The following WNK3 variants were observed in gnomAD, a reference collection of about 807,000 sequenced individuals.
WNK3 encodes WNK lysine deficient protein kinase 3.
Under a neutral mutation model 116.7 loss-of-function variants are expected in WNK3, and 18 were observed. The ratio of observed to expected loss-of-function variants is 0.15; its 90% CI spans 0.11 to 0.23. The LOEUF is 0.23. Ranked by LOEUF, WNK3 falls within the 10% of genes least tolerant of loss-of-function variation. WNK3 has a pLI of 1.00. For missense variants in WNK3, 993 were observed against 1,323.8 expected (o/e 0.75, Z 3.88); for synonymous variants, 404 against 469.4 (o/e 0.86, Z 1.80).
chrX:54,296,011 A>T (rs1005720291), intron 7 of WNK3, among the ~76,000 whole-genome samples: 1 of 111,956 alleles, frequency 8.9e-6, no homozygotes, highest in East Asian at 2.8e-4. Context: ...TTCTGACCTG[A>T]ATTAAAGCCA....
Position 54,318,906 on chromosome X carries a change from T to C in WNK3, c.538-7615A>G, listed in dbSNP as rs782744625. ...ATTCTCGTGCCTCAGCCTCCCCCAG[T>C]AGCTGGGATTACAGGTGCCCGCCAT... On this transcript the variant is annotated intron_variant, in intron 2 of 23. Transcript: ENST00000354646. 7.3e-5 allele frequency among the ~76,000 whole-genome samples: 8 copies of C among 109,803 alleles called. No homozygotes were observed. The South Asian group carries it at 3.2e-3, about 44-fold the overall frequency.
At chrX:54,346,997 T>C (rs1603402392) in intron 1 of WNK3, among the ~76,000 whole-genome samples, 2 of 112,014 alleles carry the variant, frequency 1.8e-5, no homozygotes, top group African/African-American at 6.5e-5. Flanking sequence ...CAAAGGGATA[T>C]GCTCCAGTGA....
intron 21 of WNK3, among the ~76,000 whole-genome samples, chrX:54,232,113 GTA>G (rs781829275): frequency 0.051 from 4,822 of 94,904 alleles, 262 homozygotes; most frequent in African/African-American, 0.16. Context: ...GTGTGTGTGT[GTA>G]TATATATATA....
intron 22 of WNK3, among the ~76,000 whole-genome samples, chrX:54,205,271 A>AACCAACCAAC (rs1569534994): frequency 5.2e-5 from 4 of 76,755 alleles, no homozygotes; most frequent in Non-Finnish European, 9.1e-5. Context: ...AACCAACCAA[A>AACCAACCAAC]CAAACAAACA....
At chrX:54,352,200 T>C (rs935429064) in intron 1 of WNK3, among the ~76,000 whole-genome samples, 6 of 111,508 alleles carry the variant, frequency 5.4e-5, no homozygotes. Flanking sequence ...TACCAGTTCA[T>C]ACCATTATGA....
At chrX:54,272,591 C>T (rs2068396592) in intron 10 of WNK3, among the ~76,000 whole-genome samples, 1 of 112,014 alleles carries the variant, frequency 8.9e-6, no homozygotes, top group Admixed American at 9.5e-5. Context: ...AATATTCACT[C>T]ACAGTAGGCC....
At chrX:54,300,699 T>C (rs1557167310) in intron 6 of WNK3, among the ~76,000 whole-genome samples, 1 of 112,031 alleles carries the variant, frequency 8.9e-6, no homozygotes, top group East Asian at 2.8e-4. Context: ...GCTACTTCTA[T>C]ATAGTGTTTT....
upstream of WNK3, chrX:54,358,774 G>GT (rs1270885632): frequency 9.7e-5 from 11 of 113,097 alleles, no homozygotes; most frequent in Non-Finnish European, 1.9e-5. Context: ...TCGCAGACGG[G>GT]TGCGATGTAC....
intron 10 of WNK3, among the ~76,000 whole-genome samples, chrX:54,281,833 C>T (rs782695833): frequency 1.3e-4 from 14 of 110,750 alleles, no homozygotes; most frequent in Non-Finnish European, 2.6e-4. Flanking sequence ...TATATGCACA[C>T]ACACCACATT....
intron 10 of WNK3, among the ~76,000 whole-genome samples, chrX:54,264,961 C>A (rs1226525843): frequency 1.8e-5 from 2 of 110,350 alleles, no homozygotes; most frequent in South Asian, 3.9e-4. Context: ...ATAAGTAAAG[C>A]CAAATGAGCA....
chrX:54,237,934 T>G, intron 19 of WNK3, among the ~76,000 whole-genome samples: 1 of 111,488 alleles, frequency 9.0e-6, no homozygotes, highest in East Asian at 2.8e-4. Context: ...GATCTACATT[T>G]AAAGTAAGTA....
chrX:54,242,625 C>T (rs2068033888), intron 17 of WNK3, among the ~76,000 whole-genome samples: 1 of 112,135 alleles, frequency 8.9e-6, no homozygotes, highest in African/African-American at 3.2e-5. Flanking sequence ...ATCCATACAT[C>T]TATATAGTCA....
At chrX:54,247,322 T>C (rs1362655620) in intron 17 of WNK3, among the ~76,000 whole-genome samples, 5 of 111,193 alleles carry the variant, frequency 4.5e-5, no homozygotes, top group Non-Finnish European at 9.4e-5. Context: ...ATTTATTATT[T>C]AAAATAATTT....
At chrX:54,294,417 T>C in intron 8 of WNK3, 136 bp downstream of exon 8, 1 of 431,568 alleles carries the variant, frequency 2.3e-6, no homozygotes, top group Admixed American at 4.6e-5. Flanking sequence ...AGCACAGAAG[T>C]GCTATTTAAA....
intron 1 of WNK3, among the ~76,000 whole-genome samples, chrX:54,348,636 G>A (rs1314178398): frequency 1.8e-5 from 2 of 112,071 alleles, no homozygotes; most frequent in Middle Eastern, 4.6e-3. Flanking sequence ...CAACGTATGA[G>A]TGTCTTTTAC....
chrX:54,335,017 T>C (rs2069216479), intron 1 of WNK3, among the ~76,000 whole-genome samples: 1 of 111,049 alleles, frequency 9.0e-6, no homozygotes, highest in Non-Finnish European at 1.9e-5. Flanking sequence ...TCCCAGCACT[T>C]TGGGAGGCCG....
intron 15 of WNK3, 48 bp downstream of exon 15, chrX:54,251,351 A>T: frequency 1.1e-6 from 1 of 937,210 alleles, no homozygotes; most frequent in Non-Finnish European, 1.5e-6. Context: ...AAGTTTTCAA[A>T]TGTCTTGCTT....
chrX:54,353,301 T>C (rs1427290982), intron 1 of WNK3, among the ~76,000 whole-genome samples: 1 of 110,035 alleles, frequency 9.1e-6, no homozygotes. Flanking sequence ...TCTACTAAAA[T>C]ACAAAAATTA....
At chrX:54,228,053 G>A (rs2067862003) in intron 22 of WNK3, among the ~76,000 whole-genome samples, 1 of 110,508 alleles carries the variant, frequency 9.0e-6, no homozygotes, top group African/African-American at 3.3e-5. Context: ...ACCATGCCTG[G>A]CTAATTTTAT....
Sources: allele counts gnomAD v4.1 joint callset (sites outside exome capture counted in the v4.1 genomes callset), GRCh38; gene constraint gnomAD v4.1.1; transcripts MANE v1.5; gene names NCBI Gene and HGNC (gene_info 2026-07-23, HGNC 2026-07-21).